MEI1: variants seen among roughly 807,000 people sequenced by gnomAD.
MEI1 encodes the protein meiosis inhibitor protein 1.
MEI1 carries 103 observed loss-of-function variants against 146.2 expected under a neutral mutation model. The ratio of observed to expected loss-of-function variants is 0.70; its 90% confidence interval spans 0.60 to 0.83. MEI1 has a LOEUF of 0.83. MEI1 is among the 40% of genes least tolerant of loss of function. The pLI is 0.00. For missense variants in MEI1, 1,529 were observed against 1,533.0 expected (o/e 1.00, Z 0.04); for synonymous variants, 652 against 628.2 (o/e 1.04, Z -0.57).
intron 19 of MEI1, among the ~76,000 whole-genome samples, chr22:41,769,700 G>C (rs530482190): frequency 6.6e-6 from 1 of 151,302 alleles, no homozygotes; most frequent in Non-Finnish European, 1.5e-5. Context: ...TCAAACTCCC[G>C]ACCTCAGGTG....
chr22:41,761,385 G>A (rs1254992467), intron 18 of MEI1, among the ~76,000 whole-genome samples: 1 of 150,100 alleles, frequency 6.7e-6, no homozygotes, highest in Non-Finnish European at 1.5e-5. Flanking sequence ...CCCAATCTCG[G>A]CTCACTGCAA....
At chr22:41,721,623 G>T (rs1418419481) in intron 6 of MEI1, among the ~76,000 whole-genome samples, 1 of 151,480 alleles carries the variant, frequency 6.6e-6, no homozygotes, top group East Asian at 1.9e-4. Context: ...GAACTGCTGG[G>T]CTCAAGAGAT....
intron 19 of MEI1, 30 bp downstream of exon 19, chr22:41,763,351 C>T (rs757820369): frequency 1.2e-6 from 2 of 1,608,820 alleles, no homozygotes; most frequent in South Asian, 1.1e-5. Context: ...GGCTCCTTGT[C>T]CTTCTGTACC....
intron 13 of MEI1, 145 bp downstream of exon 13, chr22:41,745,209 G>C (rs900228811): frequency 3.6e-5 from 20 of 553,244 alleles, no homozygotes; most frequent in Admixed American, 1.5e-4. Context: ...GTAGGGGTTG[G>C]GGGTGTGTGG....
intron 14 of MEI1, 133 bp downstream of exon 14, chr22:41,746,159 T>A: frequency 2.9e-6 from 2 of 700,676 alleles, no homozygotes; most frequent in Non-Finnish European, 4.2e-6. Context: ...CAATTCTTGC[T>A]GCTACCTTTC....
chr22:41,727,582 G>A (rs1295643437), intron 7 of MEI1, among the ~76,000 whole-genome samples: 1 of 138,520 alleles, frequency 7.2e-6, no homozygotes, highest in African/African-American at 2.8e-5. Flanking sequence ...GTAGCCTAGA[G>A]TAAGTAACCT....
intron 1 of MEI1, 103 bp downstream of exon 1, chr22:41,699,815 A>G: frequency 7.3e-7 from 1 of 1,361,840 alleles, no homozygotes; most frequent in Non-Finnish European, 9.8e-7. Flanking sequence ...CCGACGCGAA[A>G]CCGGGCCCCC....
chr22:41,752,210 C>T (rs913097567), intron 15 of MEI1, among the ~76,000 whole-genome samples: 2 of 152,112 alleles, frequency 1.3e-5, no homozygotes, highest in African/African-American at 4.8e-5. Flanking sequence ...TTCTATAAAA[C>T]TGAAAGAAGG....
intron 20 of MEI1, among the ~76,000 whole-genome samples, chr22:41,775,307 A>G (rs1286579073): frequency 6.6e-6 from 1 of 152,054 alleles, no homozygotes; most frequent in Non-Finnish European, 1.5e-5. Context: ...CTGTGCACTG[A>G]ATCTGTCCTA....
At chr22:41,730,694 G>C in intron 9 of MEI1, 57 bp downstream of exon 9, 1 of 1,142,726 alleles carries the variant, frequency 8.8e-7, no homozygotes, top group Non-Finnish European at 1.3e-6. Context: ...GTTTGCACTT[G>C]GGTAGCAGCC....
intron 9 of MEI1, 42 bp downstream of exon 9, chr22:41,730,679 C>T (rs12171085): frequency 0.019 from 25,738 of 1,372,988 alleles, 304 homozygotes; most frequent in Non-Finnish European, 0.023. Flanking sequence ...GTTGGGTGGA[C>T]GGCAGTTTGC....
intron 26 of MEI1, 113 bp from the exon 27 acceptor site, chr22:41,793,716 A>G (rs1234366019): frequency 3.1e-5 from 28 of 914,462 alleles, no homozygotes; most frequent in Non-Finnish European, 4.0e-5. Context: ...TATAATCCCA[A>G]ATCTGAAATT....
At chr22:41,797,485 G>A (rs1260590859) in intron 30 of MEI1, among the ~76,000 whole-genome samples, 1 of 152,066 alleles carries the variant, frequency 6.6e-6, no homozygotes, top group Non-Finnish European at 1.5e-5. Flanking sequence ...GGTGGCACAC[G>A]TCTGTGATCC....
At chr22:41,777,202 C>G (rs1569306839) in intron 21 of MEI1, among the ~76,000 whole-genome samples, 1 of 149,416 alleles carries the variant, frequency 6.7e-6, no homozygotes, top group African/African-American at 2.5e-5. Flanking sequence ...GTCGTTCAGG[C>G]TGGTGTGCAG....
At chr22:41,735,384 A>T (rs531874714) in intron 11 of MEI1, among the ~76,000 whole-genome samples, 1 of 151,388 alleles carries the variant, frequency 6.6e-6, no homozygotes, top group Non-Finnish European at 1.5e-5. Flanking sequence ...ACAGGCATGC[A>T]CCACTACACC....
chr22:41,728,467 A>C (rs929794813), intron 7 of MEI1, among the ~76,000 whole-genome samples: 2 of 152,216 alleles, frequency 1.3e-5, no homozygotes, highest in Non-Finnish European at 2.9e-5. Flanking sequence ...AGCTGGGCAC[A>C]GTGGCTCATG....
intron 19 of MEI1, among the ~76,000 whole-genome samples, chr22:41,768,103 C>T (rs1456602543): frequency 5.3e-5 from 8 of 152,084 alleles, no homozygotes; most frequent in African/African-American, 1.4e-4. Flanking sequence ...GAAATTAGGC[C>T]GGGCGCAGTT....
intron 11 of MEI1, among the ~76,000 whole-genome samples, 155 bp from the exon 12 acceptor site, chr22:41,742,925 G>C (rs886160582): frequency 9.9e-5 from 15 of 152,182 alleles, no homozygotes; most frequent in Non-Finnish European, 1.5e-5. Context: ...ATTAACAGGC[G>C]TGAGCCACCA....
chr22:41,711,562 C>T (rs1448726237), intron 3 of MEI1, among the ~76,000 whole-genome samples: 2 of 152,216 alleles, frequency 1.3e-5, no homozygotes, highest in Admixed American at 1.3e-4. Flanking sequence ...AGGTGGAAAG[C>T]ACTAGAGGAA....
Sources: gnomAD v4.1 joint callset for allele counts (sites outside exome capture counted in the v4.1 genomes callset) on GRCh38, gnomAD v4.1.1 for gene constraint, MANE v1.5 for transcripts, NCBI Gene and HGNC (gene_info 2026-07-23, HGNC 2026-07-21) for gene names.